The following TPRG1 variants were observed in gnomAD, a reference collection of about 807,000 sequenced individuals.
The protein encoded by TPRG1 is tumor protein p63-regulated gene 1 protein.
TPRG1 carries 29 observed loss-of-function variants against 29.3 expected under a neutral mutation model. The observed-to-expected ratio is 0.99, with a 90% CI of 0.74 to 1.35. The LOEUF (loss-of-function observed/expected upper bound fraction) is 1.35. TPRG1 is among the 40% of genes most tolerant of loss of function. The pLI is 0.00. For synonymous variants in TPRG1, 130 were observed against 116.8 expected, an observed-to-expected ratio of 1.11 and a Z score of -0.73; for missense variants, 327 against 335.0, an observed-to-expected ratio of 0.98 and a Z score of 0.19.
chr3:189,312,220 A>G (rs1313629415), intron 5 of TPRG1, among the ~76,000 whole-genome samples: 13 of 103,966 alleles, frequency 1.3e-4, no homozygotes, highest in East Asian at 2.6e-4. Flanking sequence ...TTTCTTTCTT[A>G]AGACGGAGTC....
intron 5 of TPRG1, among the ~76,000 whole-genome samples, chr3:189,317,630 A>G (rs1042145153): frequency 6.6e-6 from 1 of 152,202 alleles, no homozygotes; most frequent in Admixed American, 6.6e-5. Context: ...CATAGTTCCA[A>G]CTTAAGACCC....
chr3:189,175,788 A>C (rs1200441137), intron 1 of TPRG1, among the ~76,000 whole-genome samples: 1 of 152,208 alleles, frequency 6.6e-6, no homozygotes, highest in Admixed American at 6.5e-5. Context: ...TCATTTAAAA[A>C]TATGGAAAAG....
In TPRG1 at chr3:189,071,408, T is replaced by TACACACAC. The variant is rs140146383; in HGVS notation, c.-463+47474_-463+47481dup. Among the ~76,000 whole-genome samples the TACACACAC allele has an allele frequency of 1.1e-4, 16 of 151,388 alleles. 1 individual carries two copies. The highest frequency in any genetic ancestry group is 1.2e-4 in the African/African-American group (5 of 41,296). On this transcript the variant is annotated intron_variant, in intron 4 of 10. Transcript: ENST00000433971. ...TTTATACTTAGTAGTGTATGAGTTT[T>TACACACAC]ACACACACACACACACACAAAGTAG...
At chr3:189,204,069 A>T (rs1019762784) in intron 1 of TPRG1, among the ~76,000 whole-genome samples, 7 of 150,152 alleles carry the variant, frequency 4.7e-5, no homozygotes, top group African/African-American at 1.7e-4. Context: ...AAAACTGAAC[A>T]TCATTTACTT....
In TPRG1 at chr3:189,298,217, C is replaced by A. The variant is rs149107059; in HGVS notation, c.480-12169C>A. 2.4e-3 allele frequency among the ~76,000 whole-genome samples: 371 copies of A among 152,236 alleles called. 1 individual carries two copies. The highest frequency in any genetic ancestry group is 8.7e-3 in the African/African-American group (361 of 41,526). ...TTGTACATAGCTTAGTATTTTACACCATTTTCCTTCTTTGCCCGCCTGAAT... is the reference window on the plus strand; with the variant it reads ...TTGTACATAGCTTAGTATTTTACACAATTTTCCTTCTTTGCCCGCCTGAAT... On this transcript the variant is annotated intron_variant, in intron 4 of 5. Transcript: ENST00000345063.
At chr3:189,291,200 C>T (rs558383457) in intron 4 of TPRG1, among the ~76,000 whole-genome samples, 7 of 152,218 alleles carry the variant, frequency 4.6e-5, no homozygotes, top group African/African-American at 7.2e-5. Flanking sequence ...CGCACCCAGC[C>T]GGTAGACCCA....
chr3:189,105,046 T>G (rs1043748885), intron 1 of TPRG1, among the ~76,000 whole-genome samples: 3 of 152,158 alleles, frequency 2.0e-5, no homozygotes, highest in African/African-American at 7.2e-5. Context: ...GCTAAAGATT[T>G]CCAATAAAAT....
At chr3:189,013,529 A>G (rs1418459092) in intron 3 of TPRG1, among the ~76,000 whole-genome samples, 1 of 152,216 alleles carries the variant, frequency 6.6e-6, no homozygotes, top group East Asian at 1.9e-4. Context: ...GTAGATATCT[A>G]TCAGGTCCAC....
At position 189,320,693 on chromosome 3, in the gene TPRG1, G is replaced by T; in HGVS notation, c.701G>T (p.Gly234Val). The T allele has an allele frequency of 1.9e-6, 3 of 1,612,802 alleles. No individual in the cohort carries two copies. The highest frequency in any genetic ancestry group is 2.5e-6 in the Non-Finnish European group (3 of 1,179,356). The change falls in exon 6 of 6, where the codon GGA (glycine) becomes GTA (valine). Residue 234 changes from glycine (G) to valine (V), a missense_variant. Coordinates refer to ENST00000345063, the MANE Select transcript of TPRG1 (RefSeq NM_198485.4). ...QNAHKNSTGS[G>V]RGKKLMVLTE... ...GCCCACAAGAATTCAACTGGATCTG[G>T]AAGAGGAAAGAAACTGATGGTGTTA...
chr3:189,153,313 T>C (rs1027289738), intron 5 of TPRG1, among the ~76,000 whole-genome samples: 2 of 152,340 alleles, frequency 1.3e-5, no homozygotes, highest in Admixed American at 6.5e-5. Flanking sequence ...TGAGAAGGAA[T>C]TTGGGTGCAT....
chr3:189,201,922 A>AT (rs1477215731), intron 1 of TPRG1, among the ~76,000 whole-genome samples: 5 of 152,106 alleles, frequency 3.3e-5, no homozygotes, highest in African/African-American at 4.8e-5. Context: ...AATTGTTGAG[A>AT]TTACAGGCAT....
intron 3 of TPRG1, among the ~76,000 whole-genome samples, chr3:189,234,799 T>A (rs778982042): frequency 2.0e-5 from 3 of 152,144 alleles, no homozygotes; most frequent in Non-Finnish European, 4.4e-5. Flanking sequence ...ATCATAGAAA[T>A]AACTATACAA....
At position 189,165,534 on chromosome 3, in the gene TPRG1, G is replaced by A. The variant is rs537648273; in HGVS notation, c.-10+14662G>A. Among the ~76,000 whole-genome samples the A allele has an allele frequency of 5.9e-5, 9 of 152,056 alleles. No individual in the cohort carries two copies. In the East Asian group the frequency reaches 1.7e-3, roughly 30 times the overall value. ...CCAGTAAATCAAGGGGCCTGGGCAT[G>A]TGCATTTTTAATATGAGGTTCTCAG... On this transcript the variant is annotated intron_variant, in intron 5 of 6. Coordinates refer to the TPRG1 transcript ENST00000412373.
At chr3:189,014,751 C>T (rs1272931194) in intron 3 of TPRG1, among the ~76,000 whole-genome samples, 1 of 152,060 alleles carries the variant, frequency 6.6e-6, no homozygotes, top group Non-Finnish European at 1.5e-5. Flanking sequence ...GCCTTGTTTC[C>T]CCTTTGCCTT....
intron 4 of TPRG1, among the ~76,000 whole-genome samples, chr3:189,294,959 C>T (rs985332086): frequency 2.0e-5 from 3 of 152,198 alleles, no homozygotes; most frequent in African/African-American, 7.2e-5. Flanking sequence ...CCCATTAACT[C>T]CTCATTTACA....
At position 189,215,289 on chromosome 3, in the gene TPRG1, C is replaced by T. The variant is rs1302203520; in HGVS notation, c.211-3C>T. 1 of 1,608,106 alleles carries T rather than the reference C, an allele frequency of 6.2e-7. No individual in the cohort carries two copies. Reference sequence around the variant, plus strand: ...AACTAGGTATTTTCTCCTTTCCACACAGCCGGGGGCCATTGAGACTGCCAT... The same window carrying T: ...AACTAGGTATTTTCTCCTTTCCACATAGCCGGGGGCCATTGAGACTGCCAT... On this transcript the variant is annotated splice_region_variant and splice_polypyrimidine_tract_variant and intron_variant, in intron 2 of 5. Transcript: ENST00000345063.
chr3:189,060,683 C>T (rs1716042573), intron 4 of TPRG1, among the ~76,000 whole-genome samples: 1 of 152,142 alleles, frequency 6.6e-6, no homozygotes. Flanking sequence ...GGAAGGCAAT[C>T]CCATTCACAG....
chr3:189,129,700 C>T (rs1722894193), intron 2 of TPRG1, among the ~76,000 whole-genome samples: 1 of 152,106 alleles, frequency 6.6e-6, no homozygotes, highest in African/African-American at 2.4e-5. Flanking sequence ...AGAGTTGTCG[C>T]TTCACTCCTT....
chr3:189,185,541 A>G (rs1730808375), intron 1 of TPRG1, among the ~76,000 whole-genome samples: 1 of 152,036 alleles, frequency 6.6e-6, no homozygotes, highest in Non-Finnish European at 1.5e-5. Flanking sequence ...CAGTTATTTG[A>G]AACAATATTT....
Sources: allele counts gnomAD v4.1 joint callset (sites outside exome capture counted in the v4.1 genomes callset), GRCh38; gene constraint gnomAD v4.1.1; transcripts MANE v1.5; gene names NCBI Gene and HGNC (gene_info 2026-07-23, HGNC 2026-07-21).